Variants in DGKB observed in about 807,000 individuals in gnomAD.
The protein encoded by DGKB is diacylglycerol kinase beta.
A neutral mutation model predicts 114.3 loss-of-function variants in DGKB; 67 were observed. The observed-to-expected ratio is 0.59, with a 90% confidence interval of 0.48 to 0.72. DGKB has a LOEUF of 0.72. DGKB is among the 30% of genes least tolerant of loss of function. The pLI is 0.00. For missense variants in DGKB, 907 were observed against 975.2 expected (o/e 0.93, Z 0.93); for synonymous variants, 398 against 323.1 (o/e 1.23, Z -2.49).
At chr7:14,788,792 G>T (rs577013193) in intron 2 of DGKB, among the ~76,000 whole-genome samples, 1 of 152,102 alleles carries the variant, frequency 6.6e-6, no homozygotes, top group African/African-American at 2.4e-5. Context: ...CCTTTCTCTC[G>T]GGATTCGTGA....
chr7:14,536,840 G>GAA (rs112715630), intron 20 of DGKB, among the ~76,000 whole-genome samples: 1,679 of 146,988 alleles, frequency 0.011, 27 homozygotes, highest in South Asian at 0.044. Context: ...ATTAAGAAAG[G>GAA]AAAAAAACAA....
At chr7:14,304,380 T>A (rs1804114806) in intron 23 of DGKB, among the ~76,000 whole-genome samples, 1 of 152,132 alleles carries the variant, frequency 6.6e-6, no homozygotes, top group Non-Finnish European at 1.5e-5. Context: ...TTAAGAGCAT[T>A]TTGTTTTCTG....
intron 23 of DGKB, among the ~76,000 whole-genome samples, chr7:14,256,783 AAAGAG>A (rs1796028692): frequency 6.6e-6 from 1 of 152,182 alleles, no homozygotes; most frequent in African/African-American, 2.4e-5. Context: ...GAATAACATT[AAAGAG>A]AAAAGTGAGG....
chr7:14,649,520 G>T (rs998593495), intron 13 of DGKB, among the ~76,000 whole-genome samples: 1 of 151,910 alleles, frequency 6.6e-6, no homozygotes, highest in Non-Finnish European at 1.5e-5. Flanking sequence ...AGGAACAACC[G>T]GTACCAGTTG....
In DGKB at chr7:14,228,385, G is replaced by T. The variant is rs188542474; in HGVS notation, c.2123-50234C>A. Among the ~76,000 whole-genome samples, 440 of 152,062 alleles carry T rather than the reference G, an allele frequency of 2.9e-3. 2 individuals are homozygous for T. Among genetic ancestry groups the T allele is most frequent in the Non-Finnish European group, 4.7e-3 (319 of 67,934 alleles). ...TTAATTATTTATTGTTATTTTAGTT[G>T]CTGTAACTTTCTGAAGTGTCCTATC... On this transcript the variant is annotated intron_variant, in intron 23 of 25. Transcript: ENST00000402815.
intron 1 of DGKB, among the ~76,000 whole-genome samples, chr7:14,917,597 G>C (rs10260034): frequency 6.6e-6 from 1 of 151,600 alleles, no homozygotes; most frequent in African/African-American, 2.4e-5. Flanking sequence ...ATCCAAATAG[G>C]CTTATATTTA....
intron 13 of DGKB, among the ~76,000 whole-genome samples, chr7:14,661,826 C>A: frequency 6.6e-6 from 1 of 152,022 alleles, no homozygotes; most frequent in African/African-American, 2.4e-5. Context: ...CAATGATAGA[C>A]TGGATTAAGA....
intron 20 of DGKB, among the ~76,000 whole-genome samples, chr7:14,534,942 C>T (rs1897301): frequency 0.14 from 21,484 of 151,928 alleles, 2,518 homozygotes; most frequent in East Asian, 0.53. Context: ...CGAAAAGTCA[C>T]TGGGTGAGAA....
rs1178052060 is a variant in DGKB, at chr7:14,798,251, T to A, written c.71-40520A>T. The stretch of plus-strand genomic sequence containing the variant: ...TTTAAACTGTCCTTGGCTTGAAGAC[T>A]GGGTTTTTACCAGGGACCTGTCCCT... On this transcript the variant is annotated intron_variant, in intron 2 of 25. Transcript: ENST00000402815. Among the ~76,000 whole-genome samples the A allele has an allele frequency of 3.9e-5, 6 of 152,312 alleles. No individual in the cohort carries two copies. The South Asian group carries it at 6.2e-4, about 16-fold the overall frequency.
At chr7:14,915,491 T>G (rs774242469) in intron 1 of DGKB, among the ~76,000 whole-genome samples, 1 of 152,056 alleles carries the variant, frequency 6.6e-6, no homozygotes, top group Non-Finnish European at 1.5e-5. Context: ...CAGAGAACAC[T>G]AAGCAGGATA....
At chr7:14,193,935 A>C (rs2128278463) in intron 23 of DGKB, among the ~76,000 whole-genome samples, 1 of 152,312 alleles carries the variant, frequency 6.6e-6, no homozygotes, top group South Asian at 2.1e-4. Flanking sequence ...GCCATTAGTT[A>C]TATGAAAAAA....
chr7:14,881,244 G>A (rs1157426357), intron 1 of DGKB, among the ~76,000 whole-genome samples: 1 of 152,210 alleles, frequency 6.6e-6, no homozygotes, highest in Non-Finnish European at 1.5e-5. Flanking sequence ...TATTGAAGTT[G>A]AGCATCTTTT....
chr7:14,286,965 A>C (rs1459445218), intron 23 of DGKB, among the ~76,000 whole-genome samples: 1 of 152,096 alleles, frequency 6.6e-6, no homozygotes, highest in Non-Finnish European at 1.5e-5. Context: ...TTCCTATATA[A>C]GGTGATATAT....
At chr7:14,718,771 G>C in intron 5 of DGKB, 86 bp from the exon 6 acceptor site, 1 of 982,848 alleles carries the variant, frequency 1.0e-6, no homozygotes, top group Non-Finnish European at 1.5e-6. Context: ...AGAACACACA[G>C]GCTACATAGA....
chr7:14,843,111 G>C (rs1222762664), intron 1 of DGKB, among the ~76,000 whole-genome samples: 2 of 151,758 alleles, frequency 1.3e-5, no homozygotes, highest in Non-Finnish European at 2.9e-5. Context: ...GGAATAGTGG[G>C]GGAGCTGAGG....
At chr7:14,514,997 T>C (rs1465287847) in intron 20 of DGKB, among the ~76,000 whole-genome samples, 1 of 152,108 alleles carries the variant, frequency 6.6e-6, no homozygotes, top group South Asian at 2.1e-4. Flanking sequence ...TGAGCCTGCA[T>C]GACAGAGTGA....
chr7:14,438,190 T>C (rs1031174563), intron 21 of DGKB, among the ~76,000 whole-genome samples: 1 of 152,084 alleles, frequency 6.6e-6, no homozygotes, highest in Non-Finnish European at 1.5e-5. Context: ...CAGTTGTTAG[T>C]GTAACACTAG....
intron 13 of DGKB, among the ~76,000 whole-genome samples, chr7:14,642,575 C>T (rs896141072): frequency 2.0e-5 from 3 of 152,128 alleles, no homozygotes; most frequent in Non-Finnish European, 2.9e-5. Flanking sequence ...TCTCAGTAAC[C>T]ACAAAATAAT....
intron 21 of DGKB, among the ~76,000 whole-genome samples, chr7:14,408,797 C>T (rs1010617739): frequency 1.3e-5 from 2 of 151,598 alleles, no homozygotes; most frequent in African/African-American, 4.8e-5. Context: ...GATTTTTTTT[C>T]AACAAATATA....
Sources: gnomAD v4.1 joint callset for allele counts (sites outside exome capture counted in the v4.1 genomes callset) on GRCh38, gnomAD v4.1.1 for gene constraint, MANE v1.5 for transcripts, NCBI Gene and HGNC (gene_info 2026-07-23, HGNC 2026-07-21) for gene names.